The following AFG2A variants were observed in gnomAD, a reference collection of about 807,000 sequenced individuals.
AFG2A encodes AAA ATPase AFG2A.
chr4:123,060,514 C>T, the AFG2A span, among the ~76,000 whole-genome samples: 16 of 152,224 alleles, frequency 1.1e-4, no homozygotes, highest in Non-Finnish European at 4.4e-5. Context: ...AGGCTTGGGG[C>T]TTGCACCGTC....
chr4:123,197,637 C>T, the AFG2A span, among the ~76,000 whole-genome samples: 15 of 151,870 alleles, frequency 9.9e-5, no homozygotes, highest in Non-Finnish European at 1.6e-4. Flanking sequence ...GGCACAGTGG[C>T]GGCGCCTGTA....
chr4:123,201,542 G>T, the AFG2A span, among the ~76,000 whole-genome samples: 170 of 152,298 alleles, frequency 1.1e-3, 1 homozygote, highest in Middle Eastern at 0.01. Flanking sequence ...CAAAAATGGG[G>T]TGTTTGAGTT....
chr4:123,173,806 A>G, the AFG2A span, among the ~76,000 whole-genome samples: 2 of 152,212 alleles, frequency 1.3e-5, no homozygotes, highest in Admixed American at 6.5e-5. Flanking sequence ...AGCATTTGAT[A>G]AACTTTAACT....
the AFG2A span, among the ~76,000 whole-genome samples, chr4:123,249,510 A>G: frequency 0.013 from 1,923 of 152,288 alleles, 50 homozygotes; most frequent in African/African-American, 0.044. Context: ...TGCAGTTAAA[A>G]TGATCACATT....
chr4:123,275,562 T>TG, the AFG2A span, among the ~76,000 whole-genome samples: 1 of 152,078 alleles, frequency 6.6e-6, no homozygotes, highest in Non-Finnish European at 1.5e-5. Flanking sequence ...CTGCATGTCA[T>TG]GGGGGTTTCA....
chr4:123,148,760 A>T, the AFG2A span, among the ~76,000 whole-genome samples: 1 of 150,214 alleles, frequency 6.7e-6, no homozygotes, highest in East Asian at 2.0e-4. Context: ...CAGAACACAC[A>T]CACACTCTAT....
the AFG2A span, among the ~76,000 whole-genome samples, chr4:123,307,375 TACAC>T: frequency 6.6e-6 from 1 of 151,562 alleles, no homozygotes; most frequent in South Asian, 2.1e-4. Context: ...TCAGTGTAGA[TACAC>T]ACACACACAC....
At chr4:123,095,053 A>ATATGTG in the AFG2A span, among the ~76,000 whole-genome samples, 1 of 52,436 alleles carries the variant, frequency 1.9e-5, no homozygotes, top group Non-Finnish European at 4.8e-5. Context: ...ATATATATAT[A>ATATGTG]TATATATATA....
chr4:123,235,558 G>A, the AFG2A span, among the ~76,000 whole-genome samples: 8 of 152,290 alleles, frequency 5.3e-5, no homozygotes, highest in African/African-American at 1.4e-4. Flanking sequence ...AGACCACAAC[G>A]AGTAGTCCTT....
the AFG2A span, among the ~76,000 whole-genome samples, chr4:123,286,834 A>T: frequency 6.6e-6 from 1 of 152,044 alleles, no homozygotes; most frequent in Non-Finnish European, 1.5e-5. Context: ...GAGAGTAGCA[A>T]AGCAGTGAGG....
chr4:122,932,944 AATT>A, the AFG2A span, among the ~76,000 whole-genome samples: 3 of 152,236 alleles, frequency 2.0e-5, no homozygotes, highest in East Asian at 5.8e-4. Flanking sequence ...TTATAAAGGG[AATT>A]ATTAGTTTAG....
the AFG2A span, among the ~76,000 whole-genome samples, chr4:123,137,221 G>A: frequency 0.029 from 4,401 of 152,210 alleles, 85 homozygotes; most frequent in Non-Finnish European, 0.036. Flanking sequence ...TCCACAACCC[G>A]GGGGTTGATG....
the AFG2A span, among the ~76,000 whole-genome samples, chr4:122,980,169 C>G: frequency 9.2e-5 from 14 of 152,128 alleles, no homozygotes; most frequent in Middle Eastern, 3.2e-3. Flanking sequence ...ATTTCAGAAC[C>G]TTTATATAAA....
chr4:123,016,883 G>T, the AFG2A span, among the ~76,000 whole-genome samples: 2 of 152,188 alleles, frequency 1.3e-5, no homozygotes, highest in Non-Finnish European at 2.9e-5. Flanking sequence ...ACCTCGGGAC[G>T]CCGAGGCTGG....
chr4:123,194,674 T>C, the AFG2A span, among the ~76,000 whole-genome samples: 2 of 152,198 alleles, frequency 1.3e-5, no homozygotes, highest in African/African-American at 2.4e-5. Flanking sequence ...TGCATTTCAG[T>C]TAACAGATTT....
At chr4:123,135,996 G>T in the AFG2A span, among the ~76,000 whole-genome samples, 1 of 151,996 alleles carries the variant, frequency 6.6e-6, no homozygotes, top group Non-Finnish European at 1.5e-5. Context: ...ATTTACAATA[G>T]TATGAAAAAA....
the AFG2A span, among the ~76,000 whole-genome samples, chr4:123,252,429 A>T: frequency 4.6e-3 from 699 of 152,332 alleles, 5 homozygotes; most frequent in Middle Eastern, 0.017. Flanking sequence ...ATAGAAATTG[A>T]TCTGTCACAG....
chr4:123,047,271 C>A, the AFG2A span, among the ~76,000 whole-genome samples: 19 of 152,208 alleles, frequency 1.2e-4, no homozygotes, highest in South Asian at 3.7e-3. Flanking sequence ...TTATTTTTGT[C>A]TTTTTGATAA....
the AFG2A span, among the ~76,000 whole-genome samples, chr4:123,226,953 C>T: frequency 2.0e-5 from 3 of 152,250 alleles, no homozygotes; most frequent in South Asian, 4.1e-4. Flanking sequence ...GTGTATGTGT[C>T]GAGGAATGTA....
Sources: allele counts gnomAD v4.1 joint callset (sites outside exome capture counted in the v4.1 genomes callset), GRCh38; gene constraint gnomAD v4.1.1; transcripts MANE v1.5; gene names NCBI Gene and HGNC (gene_info 2026-07-23, HGNC 2026-07-21).